The following KDM3B variants were observed in gnomAD, a reference collection of about 807,000 sequenced individuals.
KDM3B encodes lysine demethylase 3B.
In KDM3B, 10 loss-of-function variants were observed where a neutral mutation model predicts 170.0. The ratio of observed to expected loss-of-function variants is 0.06; its 90% CI spans 0.04 to 0.10. The LOEUF is 0.10. Ranked by LOEUF, KDM3B falls within the 10% of genes least tolerant of loss-of-function variation. The pLI is 1.00. For missense variants in KDM3B, 1,394 were observed against 2,195.2 expected (o/e 0.64, Z 7.29); for synonymous variants, 831 against 834.8 (o/e 1.00, Z 0.08).
chr5:138,388,053 C>G (rs1459075644), intron 7 of KDM3B, among the ~76,000 whole-genome samples: 1 of 151,968 alleles, frequency 6.6e-6, no homozygotes, highest in Non-Finnish European at 1.5e-5. Context: ...TGCACTCCAG[C>G]CTGGGCGACA....
At chr5:138,400,907 T>C (rs967885228) in intron 11 of KDM3B, among the ~76,000 whole-genome samples, 1 of 151,954 alleles carries the variant, frequency 6.6e-6, no homozygotes, top group Non-Finnish European at 1.5e-5. Context: ...TTTTTTTTTT[T>C]TGAGACTAAT....
At chr5:138,395,069 T>C (rs1209803234) in intron 9 of KDM3B, among the ~76,000 whole-genome samples, 2 of 152,146 alleles carry the variant, frequency 1.3e-5, no homozygotes, top group African/African-American at 4.8e-5. Context: ...AGAGATTCTT[T>C]AGGGAAAAGC....
intron 4 of KDM3B, among the ~76,000 whole-genome samples, chr5:138,378,897 A>G (rs1762062470): frequency 6.6e-6 from 1 of 151,756 alleles, no homozygotes; most frequent in Admixed American, 6.6e-5. Context: ...ATTGGTAATG[A>G]TTTAGCTATA....
chr5:138,377,117 GCT>G (rs1179304351), intron 3 of KDM3B, among the ~76,000 whole-genome samples: 1 of 152,050 alleles, frequency 6.6e-6, no homozygotes, highest in African/African-American at 2.4e-5. Flanking sequence ...TGTCTTCCTC[GCT>G]CGTTAGGCCT....
At chr5:138,428,922 A>T (rs1017305785) in intron 20 of KDM3B, among the ~76,000 whole-genome samples, 3 of 150,802 alleles carry the variant, frequency 2.0e-5, no homozygotes, top group Non-Finnish European at 4.4e-5. Flanking sequence ...TCAAAATCTT[A>T]AGGTTCAGGG....
intron 4 of KDM3B, 145 bp from the exon 5 acceptor site, chr5:138,379,439 C>A (rs1580893697): frequency 5.0e-6 from 3 of 604,100 alleles, no homozygotes; most frequent in East Asian, 6.8e-5. Context: ...TATGGTAAAT[C>A]TGGAATTGCT....
At chr5:138,426,643 C>A in intron 17 of KDM3B, 1 of 243,410 alleles carries the variant, frequency 4.1e-6, no homozygotes, top group Non-Finnish European at 8.3e-6. Flanking sequence ...GTAATCCCAG[C>A]ACTTTGGGAG....
At chr5:138,386,745 T>C (rs1297621041) in intron 7 of KDM3B, 124 bp downstream of exon 7, 35 of 1,323,292 alleles carry the variant, frequency 2.6e-5, no homozygotes, top group Non-Finnish European at 3.2e-5. Context: ...GCTTAAATTA[T>C]ACTCTGTGGA....
chr5:138,418,538 T>C (rs1022873068), intron 13 of KDM3B, among the ~76,000 whole-genome samples: 1 of 152,192 alleles, frequency 6.6e-6, no homozygotes, highest in Admixed American at 6.5e-5. Flanking sequence ...AGTATGTAAA[T>C]AGATAAAGCA....
intron 1 of KDM3B, among the ~76,000 whole-genome samples, chr5:138,364,358 TTGAA>T (rs1287971531): frequency 2.6e-5 from 4 of 152,236 alleles, no homozygotes; most frequent in Non-Finnish European, 5.9e-5. Context: ...TGCAAGGAAT[TTGAA>T]TGTAATCTTA....
At chr5:138,417,839 C>T in intron 13 of KDM3B, 3 of 426,106 alleles carry the variant, frequency 7.0e-6, no homozygotes, top group East Asian at 4.0e-5. Context: ...TGACTGATAG[C>T]ACAAAGAGAT....
chr5:138,419,350 GC>G, intron 14 of KDM3B, 118 bp downstream of exon 14: 1 of 1,255,464 alleles, frequency 8.0e-7, no homozygotes, highest in Non-Finnish European at 1.1e-6. Context: ...ACTTTCTCTG[GC>G]TAATCACATG....
chr5:138,365,684 T>TA (rs928430970), intron 1 of KDM3B, among the ~76,000 whole-genome samples: 172 of 144,858 alleles, frequency 1.2e-3, no homozygotes, highest in African/African-American at 2.7e-3. Flanking sequence ...CTTTCCTCTT[T>TA]AAAAAAAAAA....
intron 11 of KDM3B, among the ~76,000 whole-genome samples, chr5:138,404,876 C>T (rs1762776948): frequency 6.6e-6 from 1 of 151,576 alleles, no homozygotes; most frequent in Non-Finnish European, 1.5e-5. Context: ...AGGCATGTGC[C>T]ACCATGCCCT....
At chr5:138,380,848 C>T (rs557926634) in intron 5 of KDM3B, among the ~76,000 whole-genome samples, 74 of 151,784 alleles carry the variant, frequency 4.9e-4, no homozygotes, top group Middle Eastern at 3.4e-3. Context: ...CAGGCATGAT[C>T]CACCATGCCC....
chr5:138,370,493 C>T (rs1443731996), intron 1 of KDM3B, among the ~76,000 whole-genome samples: 1 of 151,116 alleles, frequency 6.6e-6, no homozygotes, highest in Non-Finnish European at 1.5e-5. Flanking sequence ...AACATGTATA[C>T]AAACAAAAAA....
chr5:138,385,339 T>G (rs1003877432), intron 6 of KDM3B, among the ~76,000 whole-genome samples: 2 of 152,196 alleles, frequency 1.3e-5, no homozygotes, highest in Admixed American at 1.3e-4. Context: ...TTCAAGCGAT[T>G]CCCTTGCCTC....
At chr5:138,399,180 G>A (rs980202206) in intron 10 of KDM3B, among the ~76,000 whole-genome samples, 2 of 151,478 alleles carry the variant, frequency 1.3e-5, no homozygotes, top group Admixed American at 6.6e-5. Context: ...GAGCCACCGC[G>A]CCCGGCCCTG....
At chr5:138,358,967 C>G in intron 1 of KDM3B, among the ~76,000 whole-genome samples, 1 of 137,982 alleles carries the variant, frequency 7.2e-6, no homozygotes, top group Non-Finnish European at 1.5e-5. Context: ...CAACAGTCTT[C>G]AGAGTGTGAT....
Sources: gnomAD v4.1 joint callset for allele counts (sites outside exome capture counted in the v4.1 genomes callset) on GRCh38, gnomAD v4.1.1 for gene constraint, MANE v1.5 for transcripts, NCBI Gene and HGNC (gene_info 2026-07-23, HGNC 2026-07-21) for gene names.